GAB2: variants seen among roughly 807,000 people sequenced by gnomAD.
GAB2 encodes the protein GRB2 associated binding protein 2, also known as GRB2-associated-binding protein 2.
In GAB2, 26 loss-of-function variants were observed where a neutral mutation model predicts 65.5. The ratio of observed to expected loss-of-function variants is 0.40; its 90% CI spans 0.29 to 0.55. The LOEUF is 0.55. GAB2 is among the 20% of genes least tolerant of loss of function. The pLI is 0.53. For synonymous variants in GAB2, 321 were observed against 329.6 expected, an observed-to-expected ratio of 0.97 and a Z score of 0.28; for missense variants, 884 against 875.8, an observed-to-expected ratio of 1.01 and a Z score of -0.12.
intron 1 of GAB2, among the ~76,000 whole-genome samples, chr11:78,328,759 G>A (rs2134673771): frequency 7.8e-6 from 1 of 128,814 alleles, no homozygotes; most frequent in South Asian, 2.6e-4. Context: ...CAGAATGATT[G>A]TTTCTTCTGG....
intron 1 of GAB2, among the ~76,000 whole-genome samples, chr11:78,411,572 T>C (rs1004748607): frequency 2.0e-5 from 3 of 152,162 alleles, no homozygotes; most frequent in Admixed American, 6.5e-5. Context: ...CAACTGATTT[T>C]TGACAAAGAC....
chr11:78,232,305 C>G (rs1864869880), intron 3 of GAB2, among the ~76,000 whole-genome samples: 1 of 152,176 alleles, frequency 6.6e-6, no homozygotes, highest in Non-Finnish European at 1.5e-5. Context: ...CCTAGTAACC[C>G]TCACCAGAAT....
intron 1 of GAB2, among the ~76,000 whole-genome samples, chr11:78,384,759 A>G (rs542436723): frequency 6.6e-6 from 1 of 152,336 alleles, no homozygotes; most frequent in South Asian, 2.1e-4. Context: ...GGGTACTACA[A>G]GAACAGCTGG....
At chr11:78,267,943 G>A (rs762184921) in intron 2 of GAB2, among the ~76,000 whole-genome samples, 9 of 148,606 alleles carry the variant, frequency 6.1e-5, no homozygotes, top group East Asian at 2.0e-4. Context: ...AACATGGATT[G>A]TATCTTCCTC....
At chr11:78,262,802 T>A (rs1865769421) in intron 2 of GAB2, among the ~76,000 whole-genome samples, 1 of 152,216 alleles carries the variant, frequency 6.6e-6, no homozygotes, top group Non-Finnish European at 1.5e-5. Context: ...TGAGTGGGCC[T>A]GCATACTGAG....
At chr11:78,268,953 C>A (rs373240251) in intron 2 of GAB2, among the ~76,000 whole-genome samples, 1 of 151,954 alleles carries the variant, frequency 6.6e-6, no homozygotes, top group African/African-American at 2.4e-5. Flanking sequence ...TGACTAGAAC[C>A]AGCTGTAAAT....
intron 1 of GAB2, among the ~76,000 whole-genome samples, chr11:78,308,092 A>T (rs1182629244): frequency 6.6e-6 from 1 of 152,230 alleles, no homozygotes. Context: ...GCCTTCGGAC[A>T]TCGGAACTCC....
At chr11:78,251,426 G>A (rs1183205114) in intron 2 of GAB2, among the ~76,000 whole-genome samples, 5 of 152,124 alleles carry the variant, frequency 3.3e-5, no homozygotes, top group African/African-American at 4.8e-5. Flanking sequence ...TATTAAGGAC[G>A]GATAATAGCT....
chr11:78,375,341 T>C (rs925520718), intron 1 of GAB2, among the ~76,000 whole-genome samples: 13 of 152,216 alleles, frequency 8.5e-5, no homozygotes, highest in Non-Finnish European at 1.3e-4. Context: ...TTGTATTTTT[T>C]TTAGTCTGGG....
chr11:78,339,675 A>G (rs965791197), intron 1 of GAB2, among the ~76,000 whole-genome samples: 13 of 152,174 alleles, frequency 8.5e-5, no homozygotes, highest in African/African-American at 2.7e-4. Context: ...ACTGTCATGG[A>G]AAGTGTAAGA....
chr11:78,349,541 C>T (rs73500953), intron 1 of GAB2, among the ~76,000 whole-genome samples: 12,978 of 152,110 alleles, frequency 0.085, 1,713 homozygotes, highest in African/African-American at 0.29. Context: ...ATAAACTTAC[C>T]TTCGAATGCT....
chr11:78,336,664 T>C (rs1409051501), intron 1 of GAB2, among the ~76,000 whole-genome samples: 2 of 152,170 alleles, frequency 1.3e-5, no homozygotes, highest in African/African-American at 4.8e-5. Flanking sequence ...GTTTTGTCTA[T>C]GGATGTCTAC....
chr11:78,219,889 G>A (rs2511171), intron 9 of GAB2, among the ~76,000 whole-genome samples: 26,721 of 152,150 alleles, frequency 0.18, 2,678 homozygotes, highest in East Asian at 0.39. Flanking sequence ...CTATAAGGAT[G>A]CCTCCTGGGG....
intron 3 of GAB2, among the ~76,000 whole-genome samples, chr11:78,241,333 G>C (rs1865128320): frequency 6.6e-6 from 1 of 152,196 alleles, no homozygotes; most frequent in South Asian, 2.1e-4. Flanking sequence ...ATCCACTCCA[G>C]AAAGTCTGGA....
chr11:78,306,565 T>C (rs2134635161), intron 1 of GAB2, among the ~76,000 whole-genome samples: 1 of 152,352 alleles, frequency 6.6e-6, no homozygotes, highest in Non-Finnish European at 1.5e-5. Flanking sequence ...AATATAGTCA[T>C]TCAGATCATA....
intron 4 of GAB2, 26 bp downstream of exon 4, chr11:78,226,439 G>C (rs1305563730): frequency 6.4e-7 from 1 of 1,554,088 alleles, no homozygotes; most frequent in East Asian, 2.2e-5. Context: ...TCCTCCCTCT[G>C]AGTCTCAGCT....
chr11:78,412,891 A>G (rs1857146908), intron 1 of GAB2, among the ~76,000 whole-genome samples: 2 of 152,202 alleles, frequency 1.3e-5, no homozygotes, highest in Non-Finnish European at 2.9e-5. Context: ...AAATAATCCT[A>G]AAAGTCATGG....
chr11:78,262,380 C>T (rs572818692), intron 2 of GAB2, among the ~76,000 whole-genome samples: 1 of 152,336 alleles, frequency 6.6e-6, no homozygotes, highest in East Asian at 1.9e-4. Context: ...GACATAGTCC[C>T]TGCACATGGG....
chr11:78,262,779 A>C (rs1318329696), intron 2 of GAB2, among the ~76,000 whole-genome samples: 2 of 152,194 alleles, frequency 1.3e-5, no homozygotes, highest in African/African-American at 4.8e-5. Flanking sequence ...GAAGGCCAAA[A>C]TACTATCTGT....
Sources: gnomAD v4.1 joint callset for allele counts (sites outside exome capture counted in the v4.1 genomes callset) on GRCh38, gnomAD v4.1.1 for gene constraint, MANE v1.5 for transcripts, NCBI Gene and HGNC (gene_info 2026-07-23, HGNC 2026-07-21) for gene names.